STXBP5L: variants seen among roughly 807,000 people sequenced by gnomAD.
STXBP5L encodes syntaxin binding protein 5L, also known as syntaxin-binding protein 5-like.
Under a neutral mutation model 144.5 loss-of-function variants are expected in STXBP5L, and 65 were observed. That is an observed-to-expected ratio of 0.45 (90% CI 0.37 to 0.55). The LOEUF is 0.55. STXBP5L is among the 20% of genes least tolerant of loss of function. The probability of loss-of-function intolerance (pLI) is 0.00; values close to 1 mark genes in which losing one functional copy is unlikely to be tolerated. For missense variants in STXBP5L, 1,298 were observed against 1,405.5 expected (o/e 0.92, Z 1.22); for synonymous variants, 505 against 469.6 (o/e 1.08, Z -0.97).
intron 19 of STXBP5L, among the ~76,000 whole-genome samples, chr3:121,309,094 T>A (rs1165596064): frequency 1.3e-5 from 2 of 150,886 alleles, no homozygotes; most frequent in Non-Finnish European, 3.0e-5. Context: ...GACTAGAGGA[T>A]CAAAAAAAAA....
chr3:121,232,520 TCACTGAGTAAAA>T (rs2049341760), intron 11 of STXBP5L, among the ~76,000 whole-genome samples: 1 of 151,948 alleles, frequency 6.6e-6, no homozygotes, highest in Non-Finnish European at 1.5e-5. Flanking sequence ...CAAGAGTAAA[TCACTGAGTAAAA>T]CACCTGGACA....
chr3:121,016,641 T>C (rs1453673535), intron 3 of STXBP5L, among the ~76,000 whole-genome samples: 5 of 152,186 alleles, frequency 3.3e-5, no homozygotes, highest in Non-Finnish European at 2.9e-5. Flanking sequence ...GTAACATAGA[T>C]GTGCGTTTGG....
intron 5 of STXBP5L, among the ~76,000 whole-genome samples, chr3:121,084,748 G>T (rs2042410524): frequency 6.6e-6 from 1 of 152,024 alleles, no homozygotes; most frequent in Non-Finnish European, 1.5e-5. Flanking sequence ...GGGTCAAATG[G>T]TATTTCTGGT....
At chr3:120,954,095 C>G (rs567320469) in intron 2 of STXBP5L, among the ~76,000 whole-genome samples, 1 of 152,124 alleles carries the variant, frequency 6.6e-6, no homozygotes, top group South Asian at 2.1e-4. Flanking sequence ...ATCTGTCCAC[C>G]CAGGTATCTA....
intron 19 of STXBP5L, among the ~76,000 whole-genome samples, chr3:121,311,271 T>C (rs953512385): frequency 3.3e-5 from 5 of 152,130 alleles, no homozygotes; most frequent in African/African-American, 1.2e-4. Context: ...CTACGGAGAA[T>C]GCAAAATAGA....
At chr3:121,082,548 C>T (rs1310035733) in intron 5 of STXBP5L, among the ~76,000 whole-genome samples, 1 of 152,184 alleles carries the variant, frequency 6.6e-6, no homozygotes, top group Non-Finnish European at 1.5e-5. Flanking sequence ...AGGGCCAATG[C>T]TTGGTTAAAT....
chr3:120,909,821 G>A, intron 2 of STXBP5L, 54 bp downstream of exon 2: 2 of 1,508,516 alleles, frequency 1.3e-6, no homozygotes, highest in Non-Finnish European at 1.8e-6. Context: ...CTGTTGTAAG[G>A]AAACAAGGGG....
intron 19 of STXBP5L, among the ~76,000 whole-genome samples, chr3:121,301,420 G>A (rs148113000): frequency 6.6e-6 from 1 of 152,276 alleles, no homozygotes; most frequent in East Asian, 1.9e-4. Context: ...TGCTGAAGTT[G>A]GTTATCAGCT....
intron 5 of STXBP5L, among the ~76,000 whole-genome samples, chr3:121,072,964 G>C (rs2041868867): frequency 6.6e-6 from 1 of 152,204 alleles, no homozygotes; most frequent in Non-Finnish European, 1.5e-5. Context: ...TAAGAGCAAT[G>C]CTCTAGTGAG....
chr3:121,084,635 C>T (rs2107705320), intron 5 of STXBP5L, among the ~76,000 whole-genome samples: 1 of 152,218 alleles, frequency 6.6e-6, no homozygotes, highest in African/African-American at 2.4e-5. Flanking sequence ...GATTCCATGT[C>T]TTTACTCTTA....
chr3:121,008,832 G>T (rs1944550985), intron 3 of STXBP5L, among the ~76,000 whole-genome samples: 1 of 151,914 alleles, frequency 6.6e-6, no homozygotes, highest in Non-Finnish European at 1.5e-5. Context: ...TAGTGGTCCA[G>T]CACAAGGAAA....
intron 14 of STXBP5L, among the ~76,000 whole-genome samples, chr3:121,242,629 A>G (rs1210568315): frequency 6.6e-6 from 1 of 152,140 alleles, no homozygotes; most frequent in African/African-American, 2.4e-5. Context: ...AAGCCCTAAT[A>G]TATCAATAAT....
At chr3:121,114,429 T>C (rs1038165317) in intron 5 of STXBP5L, among the ~76,000 whole-genome samples, 8 of 152,218 alleles carry the variant, frequency 5.3e-5, no homozygotes, top group Non-Finnish European at 1.0e-4. Flanking sequence ...GAAGCAAATA[T>C]GACCTTTATG....
At chr3:121,006,334 G>C (rs996329401) in intron 3 of STXBP5L, among the ~76,000 whole-genome samples, 1 of 152,046 alleles carries the variant, frequency 6.6e-6, no homozygotes, top group African/African-American at 2.4e-5. Flanking sequence ...TTTGATCTTT[G>C]TTGGTTTAAA....
rs114640440 is a variant in STXBP5L, at chr3:121,041,997, G to A, written c.369+216G>A. ...ATTGTATATGCCATATTCTGTTATT[G>A]TTACTATATAGCATAATTTAGTTTA... On this transcript the variant is annotated intron_variant, in intron 4 of 26. Transcript: ENST00000471454. Among the ~76,000 whole-genome samples, 830 of 152,092 alleles carry A rather than the reference G, an allele frequency of 5.5e-3. 7 individuals carry two copies. Among genetic ancestry groups the A allele is most frequent in the African/African-American group, 0.019 (782 of 41,518 alleles).
intron 3 of STXBP5L, among the ~76,000 whole-genome samples, chr3:120,989,397 T>C (rs1942613813): frequency 6.6e-6 from 1 of 152,210 alleles, no homozygotes; most frequent in Non-Finnish European, 1.5e-5. Flanking sequence ...ATATTGAGTA[T>C]CTTTTCATAT....
At chr3:121,365,505 A>C (rs1400087988) in intron 20 of STXBP5L, among the ~76,000 whole-genome samples, 1 of 151,622 alleles carries the variant, frequency 6.6e-6, no homozygotes, top group Non-Finnish European at 1.5e-5. Flanking sequence ...GGTCATGGCA[A>C]GTTTTGTGTT....
chr3:121,181,746 C>CA (rs2047163654), intron 9 of STXBP5L, among the ~76,000 whole-genome samples: 1 of 151,718 alleles, frequency 6.6e-6, no homozygotes, highest in South Asian at 2.1e-4. Context: ...TCAAAGAAAA[C>CA]AAAAAACAAA....
chr3:121,305,431 A>G (rs541916245), intron 19 of STXBP5L, among the ~76,000 whole-genome samples: 21 of 152,144 alleles, frequency 1.4e-4, no homozygotes, highest in Non-Finnish European at 2.2e-4. Flanking sequence ...TAGCAAATGG[A>G]AGACAAACAT....
Sources: gnomAD v4.1 joint callset for allele counts (sites outside exome capture counted in the v4.1 genomes callset) on GRCh38, gnomAD v4.1.1 for gene constraint, MANE v1.5 for transcripts, NCBI Gene and HGNC (gene_info 2026-07-23, HGNC 2026-07-21) for gene names.